The following ABHD18 variants were observed in gnomAD, a reference collection of about 807,000 sequenced individuals.
The protein encoded by ABHD18 is cardiolipin-specific deacylase, mitochondrial.
ABHD18 carries 55 observed loss-of-function variants against 65.9 expected under a neutral mutation model. The ratio of observed to expected loss-of-function variants is 0.84; its 90% confidence interval spans 0.67 to 1.05. ABHD18 has a LOEUF of 1.05. ABHD18 is among the 50% of genes least tolerant of loss of function. ABHD18 has a pLI of 0.00. For synonymous variants in ABHD18, 181 were observed against 180.2 expected (o/e 1.00, Z -0.04); for missense variants, 533 against 558.5 (o/e 0.95, Z 0.46).
At chr4:127,967,440 C>T (rs937385093) in intron 1 of ABHD18, among the ~76,000 whole-genome samples, 9 of 152,150 alleles carry the variant, frequency 5.9e-5, no homozygotes, top group African/African-American at 2.2e-4. Flanking sequence ...AGAATCTTTC[C>T]TTATATCTCA....
At chr4:128,031,531 TTCC>T (rs1346980672) in intron 12 of ABHD18, among the ~76,000 whole-genome samples, 3 of 152,206 alleles carry the variant, frequency 2.0e-5, no homozygotes, top group Non-Finnish European at 2.9e-5. Context: ...TTGAAACATA[TTCC>T]TCATGTTATT....
rs1300983842 is a variant in ABHD18 at position 128,036,128 on chromosome 4, T to C, written c.*315T>C. On this transcript the variant is annotated 3_prime_UTR_variant, in exon 13 of 13. Transcript: ENST00000645843. ...ATCATGAATAATTTATTAAATTAAA[T>C]AAATTTATTCATAGAAACTTTTCTG... 1 of 177,766 alleles carries C rather than the reference T, an allele frequency of 5.6e-6. No homozygotes were observed. Among genetic ancestry groups the C allele is most frequent in the Non-Finnish European group, 1.2e-5 (1 of 85,384 alleles). 11.0% of individuals were successfully genotyped at this position (177,766 alleles called of 1,614,324 possible). A position where few individuals can be genotyped will look rare whatever the true frequency, so the allele number is the denominator to read the frequency against.
intron 10 of ABHD18, among the ~76,000 whole-genome samples, chr4:128,023,619 C>A (rs1329146162): frequency 1.3e-5 from 2 of 151,358 alleles, no homozygotes; most frequent in Non-Finnish European, 2.9e-5. Flanking sequence ...CAATGGCTCA[C>A]CCTGTAATCC....
intron 3 of ABHD18, among the ~76,000 whole-genome samples, chr4:127,989,251 T>G (rs1359413395): frequency 6.6e-6 from 1 of 152,124 alleles, no homozygotes; most frequent in East Asian, 1.9e-4. Flanking sequence ...AAGAATAGAT[T>G]GATGATTATC....
At chr4:127,991,125 A>G (rs1320067216) in intron 4 of ABHD18, among the ~76,000 whole-genome samples, 1 of 152,086 alleles carries the variant, frequency 6.6e-6, no homozygotes, top group African/African-American at 2.4e-5. Context: ...CGCCTCCCAA[A>G]GTGCTGAGAT....
intron 4 of ABHD18, among the ~76,000 whole-genome samples, chr4:127,998,504 G>T (rs948329819): frequency 2.0e-5 from 3 of 151,046 alleles, no homozygotes; most frequent in Non-Finnish European, 2.9e-5. Context: ...CTCCCAAAGT[G>T]CTGGGATTAC....
chr4:128,011,669 T>G lies in ABHD18; in HGVS notation c.443-4T>G. Reference sequence around the variant, plus strand: ...AAAACTTTCTCTTTGACCCACATTCTTAAATGGCTGCAGGAAACCCAAGGA... The same window carrying G: ...AAAACTTTCTCTTTGACCCACATTCGTAAATGGCTGCAGGAAACCCAAGGA... On this transcript the variant is annotated splice_polypyrimidine_tract_variant and splice_region_variant and intron_variant, in intron 6 of 12. Transcript: ENST00000645843. 6.5e-7 allele frequency: 1 copy of G among 1,549,678 alleles called. No homozygotes were observed. The highest frequency in any genetic ancestry group is 8.7e-7 in the Non-Finnish European group (1 of 1,146,286).
chr4:127,997,558 C>G (rs942444082), intron 4 of ABHD18, among the ~76,000 whole-genome samples: 2 of 152,178 alleles, frequency 1.3e-5, no homozygotes, highest in African/African-American at 4.8e-5. Flanking sequence ...CAGTCTGCCT[C>G]TCTTCTAGAC....
intron 12 of ABHD18, among the ~76,000 whole-genome samples, chr4:128,034,206 C>G (rs1275010678): frequency 6.6e-6 from 1 of 152,022 alleles, no homozygotes; most frequent in Non-Finnish European, 1.5e-5. Context: ...ATCCGCCCTC[C>G]TTGGCCTTCC....
chr4:128,030,391 A>T, intron 11 of ABHD18, 119 bp from the exon 12 acceptor site: 1 of 631,650 alleles, frequency 1.6e-6, no homozygotes, highest in Non-Finnish European at 2.5e-6. Flanking sequence ...AGCATATTAT[A>T]GTTGATTTTT....
intron 12 of ABHD18, among the ~76,000 whole-genome samples, chr4:128,035,309 C>T (rs1372892407): frequency 6.6e-6 from 1 of 152,014 alleles, no homozygotes; most frequent in African/African-American, 2.4e-5. Flanking sequence ...TGAGGTTTTC[C>T]GGTAGTGGTG....
intron 11 of ABHD18, among the ~76,000 whole-genome samples, chr4:128,029,309 A>C (rs1757857110): frequency 1.3e-5 from 2 of 151,912 alleles, no homozygotes; most frequent in Admixed American, 1.3e-4. Flanking sequence ...GCAGTGAGCC[A>C]AGATCACACC....
At chr4:128,023,140 A>G (rs978577965) in intron 10 of ABHD18, among the ~76,000 whole-genome samples, 1 of 152,132 alleles carries the variant, frequency 6.6e-6, no homozygotes, top group African/African-American at 2.4e-5. Context: ...CAAAAAAAAG[A>G]AATCTTTCTA....
intron 11 of ABHD18, 31 bp downstream of exon 11, chr4:128,028,884 T>C: frequency 2.0e-6 from 3 of 1,465,196 alleles, no homozygotes; most frequent in Non-Finnish European, 2.7e-6. Context: ...TTGAGAATAT[T>C]TGCTGATGTG....
At chr4:127,996,365 G>A (rs112747097) in intron 4 of ABHD18, among the ~76,000 whole-genome samples, 18 of 152,216 alleles carry the variant, frequency 1.2e-4, no homozygotes, top group African/African-American at 3.9e-4. Context: ...GCCTCCAGGG[G>A]TGTCATCACA....
chr4:128,014,263 A>G (rs1755104930), intron 7 of ABHD18, among the ~76,000 whole-genome samples: 1 of 152,048 alleles, frequency 6.6e-6, no homozygotes, highest in Non-Finnish European at 1.5e-5. Flanking sequence ...GATTACAGGC[A>G]GCATCCACCG....
intron 4 of ABHD18, among the ~76,000 whole-genome samples, chr4:127,994,055 TTC>T (rs1445073596): frequency 6.6e-6 from 1 of 152,208 alleles, no homozygotes; most frequent in African/African-American, 2.4e-5. Flanking sequence ...TTTTCACACT[TTC>T]TGTTTTTATT....
intron 7 of ABHD18, among the ~76,000 whole-genome samples, chr4:128,013,112 A>G (rs1303465821): frequency 6.6e-6 from 1 of 151,226 alleles, no homozygotes; most frequent in Non-Finnish European, 1.5e-5. Context: ...GTGAAAAGCC[A>G]TCATGCTTTC....
At chr4:128,008,063 A>T (rs144028703) in intron 4 of ABHD18, among the ~76,000 whole-genome samples, 2,175 of 151,868 alleles carry the variant, frequency 0.014, 62 homozygotes, top group African/African-American at 0.05. Flanking sequence ...GGAGTTCAAG[A>T]CCAGTCTGGT....
Sources: allele counts gnomAD v4.1 joint callset (sites outside exome capture counted in the v4.1 genomes callset), GRCh38; gene constraint gnomAD v4.1.1; transcripts MANE v1.5; gene names NCBI Gene and HGNC (gene_info 2026-07-23, HGNC 2026-07-21).